Variants in HAPSTR1 observed in about 807,000 individuals in gnomAD.
HAPSTR1 encodes HUWE1 associated protein modifying stress responses.
the HAPSTR1 span, chr16:9,091,908 C>T: frequency 1.5e-6 from 1 of 688,386 alleles, no homozygotes; most frequent in Non-Finnish European, 2.1e-6. Context: ...TGCAGGAGGC[C>T]TGGGCCGCTG....
chr16:9,101,294 T>G, the HAPSTR1 span, among the ~76,000 whole-genome samples: 1 of 152,180 alleles, frequency 6.6e-6, no homozygotes, highest in Non-Finnish European at 1.5e-5. Flanking sequence ...CAAAATGGAG[T>G]TCATGCTTTG....
chr16:9,098,085 C>T, the HAPSTR1 span, among the ~76,000 whole-genome samples: 1 of 152,180 alleles, frequency 6.6e-6, no homozygotes, highest in Non-Finnish European at 1.5e-5. Context: ...AATCCTAGCA[C>T]TTTGGGAGGC....
chr16:9,091,869 C>CGCGGG, the HAPSTR1 span: 1 of 450,684 alleles, frequency 2.2e-6, no homozygotes, highest in Non-Finnish European at 3.6e-6. Context: ...TGCACGGGGC[C>CGCGGG]GCGGGGCGGG....
At chr16:9,118,752 G>A in the HAPSTR1 span, 1 of 152,594 alleles carries the variant, frequency 6.6e-6, no homozygotes, top group Non-Finnish European at 1.5e-5. Context: ...CGTAAATTTA[G>A]ATTCTGGAAT....
At chr16:9,106,303 T>TC in the HAPSTR1 span, 1 of 151,766 alleles carries the variant, frequency 6.6e-6, no homozygotes, top group Non-Finnish European at 1.5e-5. Flanking sequence ...TTTTTTTTTT[T>TC]TTTTTTGAGA....
the HAPSTR1 span, among the ~76,000 whole-genome samples, chr16:9,115,975 C>G: frequency 2.6e-5 from 4 of 152,168 alleles, no homozygotes; most frequent in Non-Finnish European, 5.9e-5. Flanking sequence ...TCTCCCCTCC[C>G]CACTTCCATG....
At chr16:9,106,098 A>G in the HAPSTR1 span, 1 of 152,204 alleles carries the variant, frequency 6.6e-6, no homozygotes, top group African/African-American at 2.4e-5. Context: ...AGACTAATGT[A>G]AACAGCTTTA....
chr16:9,105,072 C>T, the HAPSTR1 span: 1 of 152,176 alleles, frequency 6.6e-6, no homozygotes, highest in Non-Finnish European at 1.5e-5. Context: ...AGCCAGCCCC[C>T]TCTGCCCTCG....
chr16:9,107,202 C>T, the HAPSTR1 span: 11 of 152,322 alleles, frequency 7.2e-5, no homozygotes, highest in Middle Eastern at 3.4e-3. Context: ...TTCTTCTGCC[C>T]CAACAGCAGA....
At chr16:9,092,280 C>T in the HAPSTR1 span, 1 of 1,523,682 alleles carries the variant, frequency 6.6e-7, no homozygotes, top group Non-Finnish European at 8.8e-7. Flanking sequence ...GGTGAGGCCG[C>T]CGCCGCCATC....
the HAPSTR1 span, chr16:9,111,565 A>G: frequency 6.6e-6 from 1 of 152,260 alleles, no homozygotes; most frequent in Admixed American, 6.5e-5. Context: ...TAAAGCTTCC[A>G]ACATCAGTAA....
At chr16:9,097,585 AAC>A in the HAPSTR1 span, among the ~76,000 whole-genome samples, 784 of 152,290 alleles carry the variant, frequency 5.1e-3, 6 homozygotes, top group African/African-American at 0.018. Flanking sequence ...AGTATGAGAA[AAC>A]ACAAGTTGGG....
At chr16:9,096,905 T>G in the HAPSTR1 span, among the ~76,000 whole-genome samples, 9 of 152,266 alleles carry the variant, frequency 5.9e-5, no homozygotes, top group East Asian at 1.5e-3. Flanking sequence ...TAATACTTAT[T>G]TTTTATAATA....
At chr16:9,102,535 C>G in the HAPSTR1 span, among the ~76,000 whole-genome samples, 3 of 152,208 alleles carry the variant, frequency 2.0e-5, no homozygotes, top group Non-Finnish European at 2.9e-5. Context: ...ATTTTTCCTT[C>G]TAAAACATTT....
At chr16:9,100,943 T>G in the HAPSTR1 span, among the ~76,000 whole-genome samples, 1 of 152,204 alleles carries the variant, frequency 6.6e-6, no homozygotes, top group Non-Finnish European at 1.5e-5. Context: ...TTACCTCCAT[T>G]TGGCTTTTGA....
At chr16:9,106,489 A>G in the HAPSTR1 span, 1 of 151,814 alleles carries the variant, frequency 6.6e-6, no homozygotes, top group African/African-American at 2.4e-5. Flanking sequence ...CATGTTGGCG[A>G]AGCTGGTCTT....
the HAPSTR1 span, chr16:9,092,180 G>A: frequency 1.9e-6 from 3 of 1,577,898 alleles, no homozygotes; most frequent in Admixed American, 1.9e-5. Context: ...GCAGGAGGAG[G>A]CGGCGGCCGC....
chr16:9,092,002 G>A, the HAPSTR1 span: 2 of 1,454,764 alleles, frequency 1.4e-6, no homozygotes, highest in Admixed American at 4.6e-5. Context: ...GCCTGAGGAG[G>A]ACGCGGCGGC....
At chr16:9,098,507 C>T in the HAPSTR1 span, among the ~76,000 whole-genome samples, 2 of 152,146 alleles carry the variant, frequency 1.3e-5, no homozygotes, top group Admixed American at 6.5e-5. Context: ...TGTTACATTC[C>T]TAAAGAAACA....
Sources: gnomAD v4.1 joint callset for allele counts (sites outside exome capture counted in the v4.1 genomes callset) on GRCh38, gnomAD v4.1.1 for gene constraint, MANE v1.5 for transcripts, NCBI Gene and HGNC (gene_info 2026-07-23, HGNC 2026-07-21) for gene names.